The following CRTAC1 variants were observed in gnomAD, a reference collection of about 807,000 sequenced individuals.
The protein encoded by CRTAC1 is acidic secreted protein in cartilage.
A neutral mutation model predicts 67.8 loss-of-function variants in CRTAC1; 37 were observed. The ratio of observed to expected loss-of-function variants is 0.55; its 90% confidence interval spans 0.42 to 0.72. CRTAC1 has a LOEUF of 0.72. CRTAC1 is among the 30% of genes least tolerant of loss of function. CRTAC1 has a pLI of 0.00. For synonymous variants in CRTAC1, 348 were observed against 371.0 expected, an observed-to-expected ratio of 0.94 and a Z score of 0.71; for missense variants, 780 against 931.6, an observed-to-expected ratio of 0.84 and a Z score of 2.12.
rs1472266647 is a variant in CRTAC1 at position 98,030,496 on chromosome 10, C to CT, written c.-25dup. On this transcript the variant is annotated 5_prime_UTR_variant, in exon 1 of 15. Transcript: ENST00000370597. The surrounding 1 kb of genome is among the most constrained non-coding windows in gnomAD (Gnocchi z 4.2). Reference sequence around the variant, plus strand: ...ATCCTCCCGCTCTCGGCCCCGCCGCCTAGGGGCGTGGGAAGCGGGCGCTCG... The same window carrying CT: ...ATCCTCCCGCTCTCGGCCCCGCCGCCTTAGGGGCGTGGGAAGCGGGCGCTCG... The CT allele has an allele frequency of 7.2e-6, 9 of 1,244,802 alleles. No individual in the cohort carries two copies. In the African/African-American group the frequency reaches 1.1e-4, roughly 15 times the overall value. 77.1% of individuals were successfully genotyped at this position (1,244,802 alleles called of 1,614,324 possible).
At chr10:97,976,137 A>G (rs2051799181) in intron 2 of CRTAC1, among the ~76,000 whole-genome samples, 1 of 152,138 alleles carries the variant, frequency 6.6e-6, no homozygotes, top group Non-Finnish European at 1.5e-5. Flanking sequence ...CCAGACCTTC[A>G]CTGATTATAG....
intron 2 of CRTAC1, among the ~76,000 whole-genome samples, chr10:97,989,478 C>T (rs961890986): frequency 6.6e-6 from 1 of 152,178 alleles, no homozygotes; most frequent in Admixed American, 6.5e-5. Flanking sequence ...GGCTACAAAC[C>T]TGCACAGCAT....
chr10:98,013,381 A>C (rs1842943374), intron 1 of CRTAC1, among the ~76,000 whole-genome samples: 1 of 152,198 alleles, frequency 6.6e-6, no homozygotes, highest in Non-Finnish European at 1.5e-5. Flanking sequence ...TAATCATTAG[A>C]ACCTTTCCAG....
At chr10:97,892,659 A>G (rs1227152916) in intron 11 of CRTAC1, among the ~76,000 whole-genome samples, 1 of 152,222 alleles carries the variant, frequency 6.6e-6, no homozygotes, top group Non-Finnish European at 1.5e-5. Flanking sequence ...GAAGTGACTT[A>G]GGCAAACCAC....
chr10:98,013,034 G>A (rs895735740), intron 1 of CRTAC1, among the ~76,000 whole-genome samples: 2 of 152,174 alleles, frequency 1.3e-5, no homozygotes, highest in Non-Finnish European at 2.9e-5. Context: ...GGGTGGGGAT[G>A]GGGGAGGAAA....
At chr10:97,911,441 G>C (rs1214851926) in intron 5 of CRTAC1, among the ~76,000 whole-genome samples, 1 of 152,164 alleles carries the variant, frequency 6.6e-6, no homozygotes, top group Non-Finnish European at 1.5e-5. Flanking sequence ...ACAATTTATT[G>C]CCATGGCAAC....
chr10:97,926,235 G>A (rs1157513287), intron 3 of CRTAC1, among the ~76,000 whole-genome samples: 3 of 152,166 alleles, frequency 2.0e-5, no homozygotes, highest in Non-Finnish European at 2.9e-5. Flanking sequence ...ACTGAGTTGC[G>A]GGTCACCCTG....
At chr10:97,881,545 C>G (rs963709438) in intron 13 of CRTAC1, among the ~76,000 whole-genome samples, 2 of 152,178 alleles carry the variant, frequency 1.3e-5, no homozygotes, top group African/African-American at 4.8e-5. Context: ...GGCACTTGGC[C>G]TACATCCCCA....
At chr10:97,913,815 A>G (rs1484822476) in intron 5 of CRTAC1, among the ~76,000 whole-genome samples, 2 of 152,174 alleles carry the variant, frequency 1.3e-5, no homozygotes, top group African/African-American at 4.8e-5. Flanking sequence ...GGAAGCTAGG[A>G]GGCCCCTTGG....
intron 14 of CRTAC1, 51 bp from the exon 15 acceptor site, chr10:97,865,765 TGC>T: frequency 1.5e-6 from 2 of 1,324,940 alleles, no homozygotes; most frequent in Non-Finnish European, 2.0e-6. Context: ...CTGCGGCGGC[TGC>T]GCTACCAGAG....
intron 2 of CRTAC1, among the ~76,000 whole-genome samples, chr10:97,960,318 T>G: frequency 6.6e-6 from 1 of 152,176 alleles, no homozygotes; most frequent in Admixed American, 6.5e-5. Flanking sequence ...GCATCACATA[T>G]TTGTATCTTT....
At chr10:97,923,870 G>T (rs2050876281) in intron 3 of CRTAC1, among the ~76,000 whole-genome samples, 1 of 152,096 alleles carries the variant, frequency 6.6e-6, no homozygotes. Context: ...CTGGTTCATG[G>T]GTAGGTCTCA....
intron 2 of CRTAC1, among the ~76,000 whole-genome samples, chr10:97,991,612 T>C (rs141151188): frequency 2.0e-4 from 30 of 152,288 alleles, no homozygotes; most frequent in Middle Eastern, 3.4e-3. Flanking sequence ...GCACCTAGTA[T>C]GTGTCAGGTG....
In CRTAC1 at chr10:97,894,216, A is replaced by G. The variant is rs138804051; in HGVS notation, c.1486+1029T>C. 4.2e-3 allele frequency among the ~76,000 whole-genome samples: 632 copies of G among 152,216 alleles called. 5 individuals are homozygous for G. The highest frequency in any genetic ancestry group is 0.013 in the African/African-American group (559 of 41,538). On this transcript the variant is annotated intron_variant, in intron 11 of 14. Coordinates refer to ENST00000370597, the MANE Select transcript of CRTAC1 (RefSeq NM_018058.7). ...TTCCAGTGTAGCTGTATCATTTTAC[A>G]TTTCCACCAGTGATGTAGGAGAGAT... is the stretch of plus-strand genomic sequence containing the variant.
At chr10:97,965,108 C>T (rs2051593819) in intron 2 of CRTAC1, among the ~76,000 whole-genome samples, 1 of 152,194 alleles carries the variant, frequency 6.6e-6, no homozygotes, top group Non-Finnish European at 1.5e-5. Context: ...AGCCAGAGTG[C>T]TGGGTGTCAG....
At chr10:97,885,757 T>C (rs2050274280) in intron 11 of CRTAC1, among the ~76,000 whole-genome samples, 1 of 152,112 alleles carries the variant, frequency 6.6e-6, no homozygotes, top group Non-Finnish European at 1.5e-5. Context: ...GCCCACTCTA[T>C]CACCCATCAG....
At chr10:97,928,306 G>C (rs571917819) in intron 3 of CRTAC1, among the ~76,000 whole-genome samples, 1 of 152,290 alleles carries the variant, frequency 6.6e-6, no homozygotes, top group Admixed American at 6.5e-5. Flanking sequence ...AGGGGGCCAG[G>C]TGCTACACCA....
At chr10:98,022,192 C>T (rs189694379) in intron 1 of CRTAC1, among the ~76,000 whole-genome samples, 234 of 151,926 alleles carry the variant, frequency 1.5e-3, no homozygotes, top group African/African-American at 5.5e-3. Context: ...CCCAACTCTA[C>T]TAAAAATACA....
chr10:97,868,236 A>G (rs946424100), intron 14 of CRTAC1: 2 of 152,262 alleles, frequency 1.3e-5, no homozygotes, highest in African/African-American at 4.8e-5. Flanking sequence ...TGCTGAAACC[A>G]TATGTTAGAG....
Sources: gnomAD v4.1 joint callset for allele counts (sites outside exome capture counted in the v4.1 genomes callset) on GRCh38, gnomAD v4.1.1 for gene constraint, Gnocchi (gnomAD v3.1) non-coding constraint, MANE v1.5 for transcripts, NCBI Gene and HGNC (gene_info 2026-07-23, HGNC 2026-07-21) for gene names.